SETBP1: variants seen among roughly 807,000 people sequenced by gnomAD.
SETBP1 encodes the protein SET-binding protein.
A neutral mutation model predicts 101.0 loss-of-function variants in SETBP1; 9 were observed. The observed-to-expected ratio is 0.09, with a 90% confidence interval of 0.05 to 0.16. The LOEUF is 0.16. SETBP1 is among the 10% of genes least tolerant of loss of function. SETBP1 has a pLI of 1.00. For missense variants in SETBP1, 1,858 were observed against 2,033.8 expected (o/e 0.91, Z 1.66); for synonymous variants, 818 against 788.5 (o/e 1.04, Z -0.63).
chr18:44,986,943 T>TATA (rs1568011145), intron 4 of SETBP1: 792 of 60,416 alleles, frequency 0.013, 7 homozygotes, highest in African/African-American at 0.04. Flanking sequence ...AGTATAGTAT[T>TATA]GTATTGTATT....
In SETBP1 at chr18:44,950,852, G is replaced by T. The variant is rs1387689736; in HGVS notation, c.1512G>T (p.Met504Ile). ...VSKPRKPPMV[M>I]TPPTCTDHSP... Reference sequence around the variant, plus strand: ...AGCCGCGGAAGCCACCCATGGTCATGACACCTCCAACGTGCACAGATCACT... The same window carrying T: ...AGCCGCGGAAGCCACCCATGGTCATTACACCTCCAACGTGCACAGATCACT... The change falls in exon 4 of 6, where the codon ATG (methionine) becomes ATT (isoleucine). Residue 504 changes from methionine (M) to isoleucine (I), a missense_variant. Transcript: ENST00000649279. The T allele has an allele frequency of 2.5e-6, 4 of 1,614,034 alleles. No homozygotes were observed. The highest frequency in any genetic ancestry group is 2.5e-6 in the Non-Finnish European group (3 of 1,180,030).
intron 4 of SETBP1, among the ~76,000 whole-genome samples, chr18:44,955,750 C>G (rs560687879): frequency 6.6e-6 from 1 of 152,284 alleles, no homozygotes; most frequent in African/African-American, 2.4e-5. Flanking sequence ...GAACACAGCT[C>G]TTGGTGCCCA....
chr18:45,062,991 C>G, intron 5 of SETBP1, 88 bp from the exon 6 acceptor site: 1 of 1,562,964 alleles, frequency 6.4e-7, no homozygotes, highest in Non-Finnish European at 8.7e-7. Context: ...TCTTTATAGC[C>G]AAGTAGAATG....
At chr18:44,759,332 T>C (rs1163001364) in intron 2 of SETBP1, among the ~76,000 whole-genome samples, 1 of 152,172 alleles carries the variant, frequency 6.6e-6, no homozygotes, top group East Asian at 1.9e-4. Context: ...AATTGTGGCG[T>C]CTGCGAAGCT....
At chr18:45,049,739 G>A (rs1315991654) in intron 5 of SETBP1, among the ~76,000 whole-genome samples, 1 of 152,130 alleles carries the variant, frequency 6.6e-6, no homozygotes, top group Non-Finnish European at 1.5e-5. Context: ...TCAAAACAGT[G>A]TGCAGGAACA....
intron 4 of SETBP1, among the ~76,000 whole-genome samples, chr18:45,013,838 T>C (rs931076997): frequency 2.0e-5 from 3 of 152,192 alleles, no homozygotes; most frequent in African/African-American, 7.2e-5. Context: ...ACGGTTGTGG[T>C]TGACAGACAA....
intron 2 of SETBP1, among the ~76,000 whole-genome samples, chr18:44,769,389 TA>T (rs1457975123): frequency 1.3e-5 from 2 of 152,254 alleles, no homozygotes; most frequent in African/African-American, 4.8e-5. Flanking sequence ...AAAGTCCTGA[TA>T]TTTTTTTCAG....
At position 44,863,783 on chromosome 18, in the gene SETBP1, C is replaced by T. The variant is rs8088957; in HGVS notation, c.487-5447C>T. ...CCTACCTACCTAGCTACCTATGCAT[C>T]AATCCATCTGTCCATTCATGTGCCA... On this transcript the variant is annotated intron_variant, in intron 2 of 5. Coordinates refer to ENST00000649279, the MANE Select transcript of SETBP1 (RefSeq NM_015559.3). Among the ~76,000 whole-genome samples the T allele has an allele frequency of 6.0e-3, 909 of 152,276 alleles. 7 individuals are homozygous for T. The highest frequency in any genetic ancestry group is 0.021 in the African/African-American group (866 of 41,542).
At chr18:44,904,316 C>T (rs561793052) in intron 3 of SETBP1, among the ~76,000 whole-genome samples, 6 of 152,128 alleles carry the variant, frequency 3.9e-5, no homozygotes, top group Non-Finnish European at 8.8e-5. Context: ...AAATGCAAAG[C>T]TATTTGTTGC....
chr18:44,817,831 CA>C (rs1219696066), intron 2 of SETBP1, among the ~76,000 whole-genome samples: 2 of 152,144 alleles, frequency 1.3e-5, no homozygotes, highest in Non-Finnish European at 2.9e-5. Context: ...TGAGGTGCAC[CA>C]TGACTGCACT....
intron 2 of SETBP1, among the ~76,000 whole-genome samples, chr18:44,785,433 T>C (rs775799612): frequency 5.3e-4 from 81 of 152,354 alleles, no homozygotes; most frequent in Non-Finnish European, 1.0e-3. Flanking sequence ...GTAGTGGATG[T>C]CACCTAGATT....
chr18:44,781,889 T>G (rs922873885), intron 2 of SETBP1, among the ~76,000 whole-genome samples: 3 of 152,218 alleles, frequency 2.0e-5, no homozygotes, highest in African/African-American at 7.2e-5. Flanking sequence ...TCACTGGTTT[T>G]TGTGATTCTA....
chr18:44,879,390 C>A (rs1242851004), intron 3 of SETBP1, among the ~76,000 whole-genome samples: 1 of 152,066 alleles, frequency 6.6e-6, no homozygotes, highest in Non-Finnish European at 1.5e-5. Flanking sequence ...GGATACCTAC[C>A]ATGGGGTTTT....
In SETBP1 at chr18:44,807,359, G is replaced by T. The variant is rs139071860; in HGVS notation, c.487-61871G>T. Among the ~76,000 whole-genome samples, 385 of 151,688 alleles carry T rather than the reference G, an allele frequency of 2.5e-3. 4 individuals are homozygous for T. The highest frequency in any genetic ancestry group is 8.8e-3 in the African/African-American group (362 of 41,338). On this transcript the variant is annotated intron_variant, in intron 2 of 5. Coordinates refer to ENST00000649279, the MANE Select transcript of SETBP1 (RefSeq NM_015559.3). The stretch of plus-strand genomic sequence containing the variant: ...GTATTAGTAAGTACTCTATCAGTAA[G>T]CATTTTACATTTATTTTACTCAATT...
chr18:44,762,866 C>A (rs2070687288), intron 2 of SETBP1, among the ~76,000 whole-genome samples: 1 of 152,158 alleles, frequency 6.6e-6, no homozygotes. Context: ...TTAGATCATT[C>A]TTTTTATGAG....
chr18:44,722,797 G>C (rs2069628632), intron 2 of SETBP1, among the ~76,000 whole-genome samples: 1 of 152,244 alleles, frequency 6.6e-6, no homozygotes, highest in Non-Finnish European at 1.5e-5. Flanking sequence ...CGGTTCTCTA[G>C]TAGGCTTCTA....
rs534517127 is a variant in SETBP1 at position 44,856,821 on chromosome 18, G to A, written c.487-12409G>A. ...TGTTAACATGCACATGTCTTTCATTGCGATATGGCAAAGGTAAGAGAGGGG... is the reference window on the plus strand; with the variant it reads ...TGTTAACATGCACATGTCTTTCATTACGATATGGCAAAGGTAAGAGAGGGG... On this transcript the variant is annotated intron_variant, in intron 2 of 5. Transcript: ENST00000649279. Among the ~76,000 whole-genome samples the A allele has an allele frequency of 2.0e-5, 3 of 152,304 alleles. No homozygotes were observed. In the East Asian group the frequency reaches 5.8e-4, roughly 29 times the overall value.
chr18:44,805,954 T>C (rs1166549883), intron 2 of SETBP1, among the ~76,000 whole-genome samples: 1 of 152,132 alleles, frequency 6.6e-6, no homozygotes, highest in Non-Finnish European at 1.5e-5. Flanking sequence ...TGAACTAAAT[T>C]TCAGGGGAGA....
chr18:44,970,378 A>G (rs910562020), intron 4 of SETBP1, among the ~76,000 whole-genome samples: 2 of 152,218 alleles, frequency 1.3e-5, no homozygotes, highest in Admixed American at 6.5e-5. Context: ...ATGTACCTAT[A>G]TGTAGCAGAA....
Sources: gnomAD v4.1 joint callset for allele counts (sites outside exome capture counted in the v4.1 genomes callset) on GRCh38, gnomAD v4.1.1 for gene constraint, MANE v1.5 for transcripts, NCBI Gene and HGNC (gene_info 2026-07-23, HGNC 2026-07-21) for gene names.